Variants in MICAL2 observed in about 807,000 individuals in gnomAD.
MICAL2 encodes the protein [F-actin]-monooxygenase MICAL2.
In MICAL2, 77 loss-of-function variants were observed where a neutral mutation model predicts 127.3. That is an observed-to-expected ratio of 0.60 (90% CI 0.50 to 0.73). The LOEUF (loss-of-function observed/expected upper bound fraction) is 0.73. MICAL2 is among the 30% of genes least tolerant of loss of function. MICAL2 has a pLI of 0.00. For missense variants in MICAL2, 1,351 were observed against 1,434.4 expected, an observed-to-expected ratio of 0.94 and a Z score of 0.94; for synonymous variants, 570 against 551.1, an observed-to-expected ratio of 1.03 and a Z score of -0.48.
chr11:12,114,740 A>G (rs889524667), intron 1 of MICAL2, among the ~76,000 whole-genome samples: 4 of 152,210 alleles, frequency 2.6e-5, no homozygotes, highest in Admixed American at 2.6e-4. Context: ...GAGGTTTTAA[A>G]AAAATGACTT....
chr11:12,118,117 C>A (rs770881877), intron 1 of MICAL2, among the ~76,000 whole-genome samples: 2 of 152,148 alleles, frequency 1.3e-5, no homozygotes, highest in Non-Finnish European at 2.9e-5. Context: ...AACCAGATGA[C>A]CTAGAAGGTC....
Position 12,262,530 on chromosome 11 carries a change from G to T in MICAL2, c.*10G>T. The T allele has an allele frequency of 6.2e-7, 1 of 1,612,404 alleles. No individual in the cohort carries two copies. The highest frequency in any genetic ancestry group is 8.5e-7 in the Non-Finnish European group (1 of 1,178,704). Reference sequence around the variant, plus strand: ...CCCACTTCTTGGCTGACACACTTCTGCTCTAAGGTGACTGGTTTTCTTGCC... The same window carrying T: ...CCCACTTCTTGGCTGACACACTTCTTCTCTAAGGTGACTGGTTTTCTTGCC... On this transcript the variant is annotated 3_prime_UTR_variant, in exon 27 of 28. Transcript: ENST00000683283.
At chr11:12,238,411 T>A (rs1424540743) in intron 16 of MICAL2, among the ~76,000 whole-genome samples, 2 of 152,216 alleles carry the variant, frequency 1.3e-5, no homozygotes, top group African/African-American at 2.4e-5. Context: ...AAGGTCTACA[T>A]CACCACTTAT....
chr11:12,326,351 G>T (rs574340034), intron 31 of MICAL2, among the ~76,000 whole-genome samples: 1 of 152,200 alleles, frequency 6.6e-6, no homozygotes, highest in Admixed American at 6.5e-5. Context: ...GGATGGGGAT[G>T]AACAAAATTT....
At chr11:12,287,330 T>C (rs1863838053), downstream of MICAL2, 1 of 387,630 alleles carries the variant, frequency 2.6e-6, no homozygotes, top group East Asian at 3.7e-5. Context: ...TTTCCACTGC[T>C]GACTAGAGGG....
chr11:12,111,763 T>A (rs1252466781), intron 1 of MICAL2, among the ~76,000 whole-genome samples: 1 of 152,194 alleles, frequency 6.6e-6, no homozygotes, highest in African/African-American at 2.4e-5. Flanking sequence ...TGTGGGCTGG[T>A]CCCACGGGAG....
chr11:12,180,839 G>T (rs1342222589), intron 3 of MICAL2, among the ~76,000 whole-genome samples: 1 of 151,140 alleles, frequency 6.6e-6, no homozygotes, highest in African/African-American at 2.4e-5. Flanking sequence ...GTATTTTCAA[G>T]TACACTATTT....
At chr11:12,224,867 G>A (rs1462713264) in intron 13 of MICAL2, 47 bp downstream of exon 13, 3 of 1,578,968 alleles carry the variant, frequency 1.9e-6, no homozygotes, top group Admixed American at 1.7e-5. Context: ...GGATGCCAAG[G>A]CCATTCTGCT....
chr11:12,193,145 A>T (rs1267956140), intron 3 of MICAL2, among the ~76,000 whole-genome samples: 1 of 151,862 alleles, frequency 6.6e-6, no homozygotes, highest in Non-Finnish European at 1.5e-5. Flanking sequence ...TCATGTTCAG[A>T]CTCCTAAGCT....
chr11:12,273,729 A>C (rs1425667838), upstream of MICAL2, among the ~76,000 whole-genome samples: 1 of 152,158 alleles, frequency 6.6e-6, no homozygotes, highest in Non-Finnish European at 1.5e-5. Flanking sequence ...CCAGGTGTTT[A>C]AGGGTTGGCT....
intron 3 of MICAL2, among the ~76,000 whole-genome samples, chr11:12,180,581 C>T (rs929192562): frequency 1.3e-5 from 2 of 152,248 alleles, no homozygotes; most frequent in South Asian, 4.1e-4. Context: ...TTTCTGTTTA[C>T]AGAGGAATTT....
chr11:12,254,606 AC>A (rs1315431552), intron 22 of MICAL2: 2 of 152,142 alleles, frequency 1.3e-5, no homozygotes, highest in Non-Finnish European at 2.9e-5. Context: ...TACCACGTTT[AC>A]CCCATGCCCC....
chr11:12,295,801 T>C (rs2134793872), downstream of MICAL2, among the ~76,000 whole-genome samples: 1 of 152,280 alleles, frequency 6.6e-6, no homozygotes, highest in East Asian at 1.9e-4. Flanking sequence ...GTCTGGTGGG[T>C]ATGTTATTTA....
intron 31 of MICAL2, among the ~76,000 whole-genome samples, chr11:12,327,011 G>A (rs1428712649): frequency 6.6e-6 from 1 of 152,172 alleles, no homozygotes; most frequent in Non-Finnish European, 1.5e-5. Flanking sequence ...GAAACATCAG[G>A]GTATAGTTGT....
chr11:12,264,580 C>T (rs1590712602), downstream of MICAL2, among the ~76,000 whole-genome samples: 1 of 152,092 alleles, frequency 6.6e-6, no homozygotes, highest in Non-Finnish European at 1.5e-5. Flanking sequence ...GGGCTTCTGA[C>T]AGTGGTATGA....
chr11:12,138,688 A>G (rs111231972), intron 2 of MICAL2, among the ~76,000 whole-genome samples: 74 of 152,130 alleles, frequency 4.9e-4, no homozygotes, highest in African/African-American at 1.7e-3. Context: ...TGTCCCACCT[A>G]CCGGCTGTGG....
chr11:12,229,107 G>A (rs1189678707), intron 15 of MICAL2, among the ~76,000 whole-genome samples: 1 of 152,196 alleles, frequency 6.6e-6, no homozygotes, highest in Non-Finnish European at 1.5e-5. Flanking sequence ...GTGGGATGGG[G>A]CCACCCAGCC....
intron 3 of MICAL2, among the ~76,000 whole-genome samples, chr11:12,170,395 A>AGGCAGCAATAC (rs1186805111): frequency 1.3e-5 from 2 of 152,146 alleles, no homozygotes; most frequent in African/African-American, 4.8e-5. Context: ...GGCAGCAATA[A>AGGCAGCAATAC]GCCGTGATTG....
chr11:12,242,354 G>A lies in MICAL2; in HGVS notation c.2478G>A (p.Leu826=), dbSNP rs745845720. ...GTGGGACAGAAAATTTCGCTACCCT[G>A]CCTTCTACCCGCCCGAGGGCGCAGG... ...QLGGTENFAT[L]PSTRPRAQAL... The change falls in exon 19 of 28, where the codon CTG becomes CTA. Residue 826 remains leucine (L), a synonymous_variant. Coordinates refer to ENST00000683283, the MANE Select transcript of MICAL2 (RefSeq NM_001282663.2). 2 of 1,614,142 alleles carry A rather than the reference G, an allele frequency of 1.2e-6. No homozygotes were observed. Among genetic ancestry groups the A allele is most frequent in the Non-Finnish European group, 1.7e-6 (2 of 1,179,996 alleles).
Sources: gnomAD v4.1 joint callset for allele counts (sites outside exome capture counted in the v4.1 genomes callset) on GRCh38, gnomAD v4.1.1 for gene constraint, MANE v1.5 for transcripts, NCBI Gene and HGNC (gene_info 2026-07-23, HGNC 2026-07-21) for gene names.